PCDHA2: variants seen among roughly 807,000 people sequenced by gnomAD.
PCDHA2 encodes protocadherin alpha 2.
A neutral mutation model predicts 66.0 loss-of-function variants in PCDHA2; 58 were observed. The ratio of observed to expected loss-of-function variants is 0.88; its 90% CI spans 0.71 to 1.09. The LOEUF (loss-of-function observed/expected upper bound fraction) is 1.09, where lower values mean the gene tolerates loss of function less well. Ranked by LOEUF, PCDHA2 falls within the 50% of genes least tolerant of loss-of-function variation. The pLI is 0.00. For synonymous variants in PCDHA2, 634 were observed against 554.0 expected (o/e 1.14, Z -2.03); for missense variants, 1,267 against 1,242.3 (o/e 1.02, Z -0.30).
chr5:141,010,545 A>G lies in PCDHA2; in HGVS notation c.*608A>G. On this transcript the variant is annotated 3_prime_UTR_variant, in exon 4 of 4. Coordinates refer to ENST00000526136, the MANE Select transcript of PCDHA2 (RefSeq NM_018905.3). ...GGTGGCAGCCACCCTCTAGGAGACAAAACTACCCCCACTGACAAGGCTTTA... is the reference window on the plus strand; with the variant it reads ...GGTGGCAGCCACCCTCTAGGAGACAGAACTACCCCCACTGACAAGGCTTTA... 1 of 343,382 alleles carries G rather than the reference A, an allele frequency of 2.9e-6. No individual in the cohort carries two copies. 21.3% of individuals were successfully genotyped at this position (343,382 alleles called of 1,614,324 possible).
In PCDHA2 at chr5:140,972,718, C is replaced by T. The variant is rs921637217; in HGVS notation, c.2389-6231C>T. Among the ~76,000 whole-genome samples the T allele has an allele frequency of 9.2e-5, 13 of 142,004 alleles. No individual in the cohort carries two copies. In the East Asian group the frequency reaches 2.5e-3, roughly 27 times the overall value. The allele number at this position is 142,004 out of a possible 152,430, so 93.2% of individuals were successfully genotyped here. A position where few individuals can be genotyped will look rare whatever the true frequency, so the allele number is the denominator to read the frequency against. Reference sequence around the variant, plus strand: ...CTCACTCTGTTGCCAGGCTGGAGTGCAGTGGCGTAATCCCGGCTCACTGCA... The same window carrying T: ...CTCACTCTGTTGCCAGGCTGGAGTGTAGTGGCGTAATCCCGGCTCACTGCA... On this transcript the variant is annotated intron_variant, in intron 1 of 3. Coordinates refer to ENST00000526136, the MANE Select transcript of PCDHA2 (RefSeq NM_018905.3).
At position 140,842,676 on chromosome 5, in the gene PCDHA2, C is replaced by G. The variant is rs1554139267; in HGVS notation, c.2388+45324C>G. The G allele has an allele frequency of 1.9e-6, 3 of 1,595,430 alleles. 1 individual carries two copies. The African/African-American group carries it at 4.0e-5, about 21-fold the overall frequency. ...GAGGTGGCCGACGTGAACGACAATG[C>G]TCCGGCGTTCGCGCAGCCCGAGTAC... On this transcript the variant is annotated intron_variant, in intron 1 of 3. Transcript: ENST00000526136.
At chr5:140,826,116 C>T (rs1316414484) in intron 1 of PCDHA2, among the ~76,000 whole-genome samples, 2 of 152,140 alleles carry the variant, frequency 1.3e-5, no homozygotes, top group Non-Finnish European at 2.9e-5. Flanking sequence ...TTATATATTC[C>T]TAATATCCTG....
intron 1 of PCDHA2, chr5:140,926,614 C>G: frequency 2.6e-6 from 1 of 377,760 alleles, no homozygotes; most frequent in Non-Finnish European, 4.6e-6. Flanking sequence ...TCTCTGCACC[C>G]CTAGGCGGCG....
chr5:141,009,770 A>T lies in PCDHA2; in HGVS notation c.2680A>T (p.Ile894Phe). The part of the protein sequence containing the change: ...DKFIIPGSPA[I>F]ISIRQEPTNS... The stretch of plus-strand genomic sequence containing the variant: ...ATTCATTATCCCAGGATCTCCTGCA[A>T]TCATCTCCATCCGGCAGGAGCCTAC... The change falls in exon 4 of 4, where the codon ATC becomes TTC. Residue 894 changes from isoleucine to phenylalanine, a missense_variant. Transcript: ENST00000526136. 6.2e-7 allele frequency: 1 copy of T among 1,614,160 alleles called. No homozygotes were observed. The highest frequency in any genetic ancestry group is 8.5e-7 in the Non-Finnish European group (1 of 1,180,028).
intron 1 of PCDHA2, chr5:140,929,026 G>A: frequency 1.2e-6 from 2 of 1,614,176 alleles, no homozygotes; most frequent in Non-Finnish European, 1.7e-6. Context: ...CCAGAGCCCA[G>A]GCTGTTGCGC....
At chr5:140,987,941 G>A (rs1554249697) in intron 3 of PCDHA2, among the ~76,000 whole-genome samples, 1 of 152,104 alleles carries the variant, frequency 6.6e-6, no homozygotes, top group African/African-American at 2.4e-5. Flanking sequence ...ATTCTTACCT[G>A]TCTGACAAAA....
intron 1 of PCDHA2, chr5:140,968,459 G>A (rs1554230743): frequency 6.2e-7 from 1 of 1,614,094 alleles, no homozygotes; most frequent in African/African-American, 1.3e-5. Flanking sequence ...CACTGTGACT[G>A]CCAACGTATA....
intron 1 of PCDHA2, among the ~76,000 whole-genome samples, chr5:140,941,777 T>C (rs903102270): frequency 6.6e-6 from 1 of 152,262 alleles, no homozygotes; most frequent in Admixed American, 6.5e-5. Context: ...ATTGTTTTAA[T>C]GTTTTACCCA....
At chr5:140,856,807 T>C in intron 1 of PCDHA2, 1 of 1,594,936 alleles carries the variant, frequency 6.3e-7, no homozygotes, top group Non-Finnish European at 8.6e-7. Context: ...TGTATGAAAA[T>C]CAAGTGAACC....
intron 1 of PCDHA2, chr5:140,801,862 T>C: frequency 6.2e-7 from 1 of 1,614,070 alleles, no homozygotes; most frequent in Middle Eastern, 1.6e-4. Flanking sequence ...AAACCAGAGC[T>C]CACTGGCACG....
chr5:140,868,908 C>A, intron 1 of PCDHA2: 1 of 882,186 alleles, frequency 1.1e-6, no homozygotes, highest in Non-Finnish European at 1.7e-6. Context: ...TCGCTCTTTA[C>A]TTGGTGGAAA....
intron 1 of PCDHA2, chr5:140,883,991 G>C: frequency 6.2e-7 from 1 of 1,612,972 alleles, no homozygotes; most frequent in South Asian, 1.1e-5. Flanking sequence ...CAGCGCGGGA[G>C]GCACAGTGAG....
At chr5:140,985,531 C>T (rs542453995) in intron 3 of PCDHA2, among the ~76,000 whole-genome samples, 102 of 152,254 alleles carry the variant, frequency 6.7e-4, no homozygotes, top group African/African-American at 1.9e-3. Context: ...TAAAGCTTCA[C>T]GGTGAAGATG....
intron 1 of PCDHA2, among the ~76,000 whole-genome samples, chr5:140,890,661 A>G (rs1384784805): frequency 6.6e-6 from 1 of 152,198 alleles, no homozygotes; most frequent in Non-Finnish European, 1.5e-5. Flanking sequence ...TCAAAAGTTA[A>G]CTGAAACCCT....
chr5:140,923,305 G>A (rs552769255), intron 1 of PCDHA2, among the ~76,000 whole-genome samples: 3 of 152,304 alleles, frequency 2.0e-5, no homozygotes, highest in South Asian at 2.1e-4. Context: ...GGGCGTGGGG[G>A]CGCTTGGCCT....
In PCDHA2 at chr5:140,796,792, G is replaced by A. The variant is rs782759874; in HGVS notation, c.1828G>A (p.Glu610Lys). The change falls in exon 1 of 4, where the codon GAG becomes AAG. Residue 610 changes from glutamate (E) to lysine (K), a missense_variant. Physicochemically the swap from Glu to Lys is moderately conservative, Grantham distance 56 (BLOSUM62 1). Transcript: ENST00000526136. ...DSGYNAWLSY[E>K]LQLGTGSARI... ...AGGCTACAACGCGTGGCTTTCGTAC[G>A]AGCTTCAGCTGGGTACTGGCAGCGC... 1.9e-6 allele frequency: 3 copies of A among 1,614,160 alleles called. No individual in the cohort carries two copies. The highest frequency in any genetic ancestry group is 2.5e-6 in the Non-Finnish European group (3 of 1,179,976).
At position 140,826,671 on chromosome 5, in the gene PCDHA2, C is replaced by T. The variant is rs1040298871; in HGVS notation, c.2388+29319C>T. On this transcript the variant is annotated intron_variant, in intron 1 of 3. Coordinates refer to ENST00000526136, the MANE Select transcript of PCDHA2 (RefSeq NM_018905.3). ...AACATTTTTGCAAGTAAATTGTAGA[C>T]GTAATTAAAAAAACCCAGCTAAAAC... 1.1e-4 allele frequency among the ~76,000 whole-genome samples: 17 copies of T among 151,838 alleles called. No individual in the cohort carries two copies. In the East Asian group the frequency reaches 2.1e-3, roughly 19 times the overall value.
Position 140,796,785 on chromosome 5 carries a change from TTC to T in PCDHA2, c.1822_1823del (p.Ser608ValfsTer22), listed in dbSNP as rs781998064. ...CTGACTCAGGCTACAACGCGTGGCTTTCGTACGAGCTTCAGCTGGGTACTGGC... is the reference window on the plus strand; with the variant it reads ...CTGACTCAGGCTACAACGCGTGGCTTGTACGAGCTTCAGCTGGGTACTGGC... ...DADSGYNAWL[S>X]YELQLGTGSA... On this transcript the variant is annotated frameshift_variant, in exon 1 of 4. Coordinates refer to ENST00000526136, the MANE Select transcript of PCDHA2 (RefSeq NM_018905.3). LOFTEE classifies it high-confidence loss of function. The T allele has an allele frequency of 3.1e-6, 5 of 1,614,098 alleles. No individual in the cohort carries two copies. The highest frequency in any genetic ancestry group is 4.2e-6 in the Non-Finnish European group (5 of 1,179,958).
Sources: allele counts gnomAD v4.1 joint callset (sites outside exome capture counted in the v4.1 genomes callset), GRCh38; gene constraint gnomAD v4.1.1; transcripts MANE v1.5; gene names NCBI Gene and HGNC (gene_info 2026-07-23, HGNC 2026-07-21).